Variants in PTPRG observed in about 807,000 individuals in gnomAD.
The protein encoded by PTPRG is receptor-type tyrosine-protein phosphatase gamma.
A neutral mutation model predicts 165.3 loss-of-function variants in PTPRG; 102 were observed. The observed-to-expected ratio is 0.62, with a 90% CI of 0.53 to 0.73. The LOEUF is 0.73. Ranked by LOEUF, PTPRG falls within the 30% of genes least tolerant of loss-of-function variation. The pLI, the probability that PTPRG is intolerant of heterozygous loss-of-function variation, is 0.00. For synonymous variants in PTPRG, 675 were observed against 669.5 expected (o/e 1.01, Z -0.13); for missense variants, 1,866 against 1,861.4 (o/e 1.00, Z -0.05).
chr3:61,942,168 A>G (rs2039648200), intron 2 of PTPRG, among the ~76,000 whole-genome samples: 1 of 151,344 alleles, frequency 6.6e-6, no homozygotes. Flanking sequence ...AAAAAAAAAA[A>G]AAAAAGGAAG....
At chr3:61,754,885 A>G (rs905442383) in intron 2 of PTPRG, among the ~76,000 whole-genome samples, 2 of 152,152 alleles carry the variant, frequency 1.3e-5, no homozygotes, top group Admixed American at 6.5e-5. Flanking sequence ...TTTAATGTTA[A>G]TATTGTTGTG....
intron 1 of PTPRG, among the ~76,000 whole-genome samples, chr3:61,674,057 G>A (rs976114836): frequency 6.6e-6 from 1 of 151,922 alleles, no homozygotes; most frequent in African/African-American, 2.4e-5. Flanking sequence ...GGGAGGGATA[G>A]CATTAGGAGA....
chr3:61,601,963 C>T lies in PTPRG; in HGVS notation c.85+39591C>T, dbSNP rs78924099. 2.4e-3 allele frequency among the ~76,000 whole-genome samples: 364 copies of T among 152,328 alleles called. 2 individuals are homozygous for T. Among genetic ancestry groups the T allele is most frequent in the Non-Finnish European group, 4.3e-3 (294 of 68,036 alleles). ...GTTTCATTTGAACCTTACAACAACG[C>T]TGTTAGAGCGTTGCTGTCAACCTTC... is the stretch of plus-strand genomic sequence containing the variant. On this transcript the variant is annotated intron_variant, in intron 1 of 29. Transcript: ENST00000474889.
chr3:61,815,641 C>T (rs990049633), intron 2 of PTPRG, among the ~76,000 whole-genome samples: 2 of 152,056 alleles, frequency 1.3e-5, no homozygotes, highest in Admixed American at 6.5e-5. Context: ...GTAGTTTATC[C>T]GTTTTTTATT....
At chr3:62,260,308 TAGA>T (rs1400073999) in intron 16 of PTPRG, among the ~76,000 whole-genome samples, 9 of 152,224 alleles carry the variant, frequency 5.9e-5, no homozygotes, top group Non-Finnish European at 1.0e-4. Context: ...GAAAGATTTC[TAGA>T]AGTTTTGTTG....
chr3:61,829,597 C>T (rs533087911), intron 2 of PTPRG, among the ~76,000 whole-genome samples: 6 of 152,324 alleles, frequency 3.9e-5, no homozygotes, highest in South Asian at 2.1e-4. Flanking sequence ...GGATTTGATG[C>T]GACTACAGTT....
chr3:61,645,347 G>A (rs1702171435), intron 1 of PTPRG, among the ~76,000 whole-genome samples: 1 of 152,202 alleles, frequency 6.6e-6, no homozygotes, highest in Non-Finnish European at 1.5e-5. Flanking sequence ...CTCCTTTCTA[G>A]GTTTTGGCCT....
chr3:62,003,018 G>T (rs2041211082), intron 3 of PTPRG, among the ~76,000 whole-genome samples: 2 of 152,198 alleles, frequency 1.3e-5, no homozygotes, highest in African/African-American at 4.8e-5. Context: ...AGATGATTTT[G>T]ACCATCAAGC....
chr3:61,685,248 A>C (rs765139372), intron 1 of PTPRG, among the ~76,000 whole-genome samples: 19 of 152,248 alleles, frequency 1.2e-4, no homozygotes, highest in Admixed American at 3.3e-4. Flanking sequence ...GGCCTGTGCA[A>C]ACAGGCGCAC....
intron 2 of PTPRG, among the ~76,000 whole-genome samples, chr3:61,948,269 G>A (rs1002672077): frequency 6.6e-6 from 1 of 152,048 alleles, no homozygotes; most frequent in South Asian, 2.1e-4. Context: ...AGGTTGCAGT[G>A]AGCCGAGATC....
intron 5 of PTPRG, among the ~76,000 whole-genome samples, chr3:62,129,830 G>T (rs1703448298): frequency 6.6e-6 from 1 of 152,208 alleles, no homozygotes; most frequent in Non-Finnish European, 1.5e-5. Flanking sequence ...CCATGGTAGA[G>T]AAGGGATAAC....
intron 2 of PTPRG, among the ~76,000 whole-genome samples, chr3:61,892,100 TA>T (rs2038231477): frequency 6.6e-6 from 1 of 152,228 alleles, no homozygotes; most frequent in Admixed American, 6.5e-5. Flanking sequence ...GTGAAGTAGT[TA>T]ATACTGTTAT....
At chr3:61,778,326 A>G (rs1258790988) in intron 2 of PTPRG, among the ~76,000 whole-genome samples, 1 of 152,132 alleles carries the variant, frequency 6.6e-6, no homozygotes, top group Admixed American at 6.5e-5. Context: ...TGTTCACGCC[A>G]TGTAAATGAA....
chr3:61,566,533 A>G (rs1244587192), intron 1 of PTPRG, among the ~76,000 whole-genome samples: 4 of 152,122 alleles, frequency 2.6e-5, no homozygotes, highest in Non-Finnish European at 5.9e-5. Context: ...TTTGAGATGG[A>G]GTCTCACTCT....
rs573512915 is a variant in PTPRG at position 62,140,178 on chromosome 3, G to A, written c.682+7510G>A. ...GTGCTGCCTGCACTGTTCCCCTGCC[G>A]GGGATGCACTTGGTTCAGCCCCTTA... On this transcript the variant is annotated intron_variant, in intron 6 of 29. Coordinates refer to ENST00000474889, the MANE Select transcript of PTPRG (RefSeq NM_002841.4). Among the ~76,000 whole-genome samples the A allele has an allele frequency of 1.3e-3, 191 of 152,274 alleles. 1 individual carries two copies. The highest frequency in any genetic ancestry group is 2.2e-3 in the Non-Finnish European group (150 of 68,016).
chr3:61,665,238 A>G (rs145030428), intron 1 of PTPRG, among the ~76,000 whole-genome samples: 1,732 of 152,304 alleles, frequency 0.011, 29 homozygotes, highest in African/African-American at 0.039. Context: ...GAGCTAAGAA[A>G]TACATTGCTG....
intron 4 of PTPRG, among the ~76,000 whole-genome samples, chr3:62,024,203 C>A (rs2041759414): frequency 6.6e-6 from 1 of 151,988 alleles, no homozygotes; most frequent in African/African-American, 2.4e-5. Flanking sequence ...ACATACATTG[C>A]CAACTATTTT....
At position 61,718,006 on chromosome 3, in the gene PTPRG, C is replaced by G. The variant is rs145092203; in HGVS notation, c.86-30872C>G. Among the ~76,000 whole-genome samples the G allele has an allele frequency of 7.0e-3, 1,065 of 151,286 alleles. 17 individuals carry two copies. Among genetic ancestry groups the G allele is most frequent in the South Asian group, 0.029 (140 of 4,770 alleles). ...ACCAGCCTGGCCAACATGGTGAAAC[C>G]CTGTCTCTACTAAAAATAAAAAAAT... On this transcript the variant is annotated intron_variant, in intron 1 of 29. Transcript: ENST00000474889.
At chr3:61,630,081 A>T (rs192159040) in intron 1 of PTPRG, among the ~76,000 whole-genome samples, 1 of 152,354 alleles carries the variant, frequency 6.6e-6, no homozygotes, top group Admixed American at 6.5e-5. Flanking sequence ...AGACATGCAT[A>T]TAAGTGGTGG....
Sources: allele counts gnomAD v4.1 joint callset (sites outside exome capture counted in the v4.1 genomes callset), GRCh38; gene constraint gnomAD v4.1.1; transcripts MANE v1.5; gene names NCBI Gene and HGNC (gene_info 2026-07-23, HGNC 2026-07-21).